SNRK: variants seen among roughly 807,000 people sequenced by gnomAD.
SNRK encodes SNF-related serine/threonine-protein kinase.
Under a neutral mutation model 48.2 loss-of-function variants are expected in SNRK, and 3 were observed. That is an observed-to-expected ratio of 0.06 (90% CI 0.03 to 0.16). The LOEUF is 0.16. Ranked by LOEUF, SNRK falls within the 10% of genes least tolerant of loss-of-function variation. SNRK has a pLI of 1.00. For synonymous variants in SNRK, 376 were observed against 366.1 expected (o/e 1.03, Z -0.31); for missense variants, 627 against 976.0 (o/e 0.64, Z 4.76).
intron 3 of SNRK, among the ~76,000 whole-genome samples, chr3:43,316,741 T>C (rs1167450402): frequency 6.6e-6 from 1 of 151,964 alleles, no homozygotes; most frequent in African/African-American, 2.4e-5. Context: ...TCAGAACCAG[T>C]GTCTGGAACT....
intron 1 of SNRK, among the ~76,000 whole-genome samples, chr3:43,287,091 T>C (rs1383578909): frequency 6.6e-6 from 1 of 150,754 alleles, no homozygotes; most frequent in Non-Finnish European, 1.5e-5. Context: ...TGGTAGGGTG[T>C]GTGTTCTTTG....
At chr3:43,302,304 A>G (rs2090903363) in intron 2 of SNRK, among the ~76,000 whole-genome samples, 5 of 152,232 alleles carry the variant, frequency 3.3e-5, no homozygotes, top group Admixed American at 3.3e-4. Context: ...ACTATGTGCC[A>G]GGAGCTTATC....
chr3:43,346,995 C>G (rs544736568), intron 6 of SNRK: 12 of 193,394 alleles, frequency 6.2e-5, no homozygotes, highest in East Asian at 5.3e-4. Flanking sequence ...ACGTGGTGTT[C>G]AGGTTTTGCT....
intron 4 of SNRK, among the ~76,000 whole-genome samples, chr3:43,337,372 G>A (rs1292303663): frequency 1.3e-5 from 2 of 151,858 alleles, no homozygotes; most frequent in Non-Finnish European, 2.9e-5. Flanking sequence ...CTGTGCCCAG[G>A]GGCCTCATGT....
At chr3:43,310,569 GA>G (rs1434325598) in intron 3 of SNRK, among the ~76,000 whole-genome samples, 1 of 151,964 alleles carries the variant, frequency 6.6e-6, no homozygotes, top group African/African-American at 2.4e-5. Flanking sequence ...TGTTTTGTTT[GA>G]AACCCTTTCA....
At chr3:43,308,108 G>T (rs1164999253) in intron 3 of SNRK, among the ~76,000 whole-genome samples, 2 of 152,178 alleles carry the variant, frequency 1.3e-5, no homozygotes, top group Non-Finnish European at 2.9e-5. Flanking sequence ...ACTCTCTTCA[G>T]TTCTCTGAGG....
At chr3:43,320,675 T>TC (rs1231691198) in intron 3 of SNRK, among the ~76,000 whole-genome samples, 2 of 151,328 alleles carry the variant, frequency 1.3e-5, no homozygotes, top group African/African-American at 2.5e-5. Context: ...GTTTTTTTTT[T>TC]CCCCAAATTT....
chr3:43,327,758 C>T (rs995253590), intron 3 of SNRK, among the ~76,000 whole-genome samples: 2 of 152,126 alleles, frequency 1.3e-5, no homozygotes, highest in Non-Finnish European at 1.5e-5. Flanking sequence ...AACTCTACCC[C>T]AACCCTAGAA....
chr3:43,332,360 G>T (rs749546803), intron 4 of SNRK, 50 bp downstream of exon 4: 1 of 1,252,194 alleles, frequency 8.0e-7, no homozygotes, highest in Non-Finnish European at 1.0e-6. Flanking sequence ...ATTAAAACCA[G>T]AAGTTTTAAT....
chr3:43,344,960 T>A (rs761868839), intron 6 of SNRK, among the ~76,000 whole-genome samples: 1 of 152,160 alleles, frequency 6.6e-6, no homozygotes, highest in Non-Finnish European at 1.5e-5. Flanking sequence ...ATTGTATATG[T>A]GAGACCAACA....
intron 3 of SNRK, among the ~76,000 whole-genome samples, chr3:43,321,808 A>G (rs1477205142): frequency 6.6e-6 from 1 of 152,202 alleles, no homozygotes; most frequent in East Asian, 1.9e-4. Flanking sequence ...AAGCAGCTCT[A>G]AAAGGGGAAT....
Position 43,347,956 on chromosome 3 carries a change from G to T in SNRK, c.1697G>T (p.Arg566Leu). The change falls in exon 7 of 7, where the codon CGA becomes CTA. Residue 566 changes from arginine to leucine, a missense_variant. By Grantham distance (102) the Arg-to-Leu change is moderately radical. Coordinates refer to ENST00000296088, the MANE Select transcript of SNRK (RefSeq NM_017719.5). This position sits in a 1 kb window ranked among gnomAD's most constrained non-coding sequence, Gnocchi z 5.4. The stretch of plus-strand genomic sequence containing the variant: ...AGCGGGTTCACCTACTCCTGGCACC[G>T]ACGGGATAGCAGCGAGGGGCCCCCT... ...KDSGFTYSWH[R>L]RDSSEGPPGS... The T allele has an allele frequency of 6.2e-7, 1 of 1,614,092 alleles. No homozygotes were observed. Among genetic ancestry groups the T allele is most frequent in the Non-Finnish European group, 8.5e-7 (1 of 1,180,032 alleles).
At chr3:43,309,843 T>A (rs2090966406) in intron 3 of SNRK, among the ~76,000 whole-genome samples, 1 of 151,902 alleles carries the variant, frequency 6.6e-6, no homozygotes, top group East Asian at 1.9e-4. Flanking sequence ...CTTGATAAAG[T>A]TTTTTTTGTT....
At chr3:43,302,578 G>A (rs1420333123) in intron 2 of SNRK, among the ~76,000 whole-genome samples, 1 of 151,926 alleles carries the variant, frequency 6.6e-6, no homozygotes, top group African/African-American at 2.4e-5. Context: ...GGTGCTCTGG[G>A]GATATTGAGG....
intron 3 of SNRK, among the ~76,000 whole-genome samples, chr3:43,330,154 T>G (rs2091135434): frequency 6.6e-6 from 1 of 152,238 alleles, no homozygotes; most frequent in Non-Finnish European, 1.5e-5. Context: ...AGTAGTCGCA[T>G]TAAACATTGT....
chr3:43,320,481 C>CGTGG (rs1033338514), intron 3 of SNRK, among the ~76,000 whole-genome samples: 4 of 152,136 alleles, frequency 2.6e-5, no homozygotes, highest in Non-Finnish European at 5.9e-5. Context: ...TTCATCACCA[C>CGTGG]GTTCCAGGTT....
At position 43,348,251 on chromosome 3, in the gene SNRK, C is replaced by T. The variant is rs2091294363; in HGVS notation, c.1992C>T (p.Tyr664=). The change falls in exon 7 of 7, where the codon TAC becomes TAT. Residue 664 remains tyrosine, a synonymous_variant. Transcript: ENST00000296088. The part of the protein sequence containing the change: ...LGSQLHGSTK[Y]IIDPQNGLSF... The stretch of plus-strand genomic sequence containing the variant: ...CCCAGCTTCATGGGAGCACCAAGTA[C>T]ATTATTGATCCACAGAATGGCTTGT... 3 of 1,614,068 alleles carry T rather than the reference C, an allele frequency of 1.9e-6. No homozygotes were observed. The highest frequency in any genetic ancestry group is 2.5e-6 in the Non-Finnish European group (3 of 1,179,948).
intron 3 of SNRK, among the ~76,000 whole-genome samples, chr3:43,307,160 T>C (rs2090943887): frequency 6.6e-6 from 1 of 152,194 alleles, no homozygotes; most frequent in Non-Finnish European, 1.5e-5. Flanking sequence ...AATTTAACCA[T>C]TTTTTGCTTT....
At chr3:43,311,763 G>A (rs1283781019) in intron 3 of SNRK, among the ~76,000 whole-genome samples, 3 of 152,126 alleles carry the variant, frequency 2.0e-5, no homozygotes, top group African/African-American at 4.8e-5. Context: ...ACCGATGGAT[G>A]TCTGGCTGCT....
Sources: allele counts gnomAD v4.1 joint callset (sites outside exome capture counted in the v4.1 genomes callset), GRCh38; gene constraint gnomAD v4.1.1; non-coding constraint Gnocchi (gnomAD v3.1); transcripts MANE v1.5; gene names NCBI Gene and HGNC (gene_info 2026-07-23, HGNC 2026-07-21).